SPATA13: variants seen among roughly 807,000 people sequenced by gnomAD.
SPATA13 encodes spermatogenesis-associated protein 13.
Under a neutral mutation model 104.0 loss-of-function variants are expected in SPATA13, and 50 were observed. The observed-to-expected ratio is 0.48, with a 90% CI of 0.38 to 0.61. SPATA13 has a LOEUF of 0.61. Among genes scored for constraint, SPATA13 ranks in the 20% least tolerant of loss-of-function variants. The pLI, the probability that SPATA13 is intolerant of heterozygous loss-of-function variation, is 0.00. For synonymous variants in SPATA13, 606 were observed against 667.5 expected (o/e 0.91, Z 1.42); for missense variants, 1,524 against 1,690.6 (o/e 0.90, Z 1.73).
intron 2 of SPATA13, among the ~76,000 whole-genome samples, chr13:23,994,101 C>G (rs1035146776): frequency 7.3e-5 from 11 of 150,902 alleles, no homozygotes; most frequent in African/African-American, 2.7e-4. Flanking sequence ...ATATTCTTGT[C>G]ATTCTTACAG....
intron 3 of SPATA13, among the ~76,000 whole-genome samples, chr13:24,036,348 T>A (rs1877681382): frequency 6.6e-6 from 1 of 152,216 alleles, no homozygotes; most frequent in African/African-American, 2.4e-5. Flanking sequence ...TTACAATGTG[T>A]TGCCATGGCT....
intron 4 of SPATA13, chr13:24,278,929 T>TTTCC (rs367952929): frequency 1.4e-6 from 1 of 729,066 alleles, no homozygotes; most frequent in East Asian, 4.2e-5. Flanking sequence ...TCCTTCCCTC[T>TTTCC]TTCCTTCCTT....
rs938705400 is a variant in SPATA13 at position 23,991,762 on chromosome 13, A to T, written c.-147+7829A>T. ...CCACAGTGACCTTCATTTGTAGACA[A>T]TCAGATTAGGGAGACTCTGAGTTGG... On this transcript the variant is annotated intron_variant, in intron 2 of 14. Coordinates refer to the SPATA13 transcript ENST00000424834. Among the ~76,000 whole-genome samples, 6 of 152,006 alleles carry T rather than the reference A, an allele frequency of 3.9e-5. No individual in the cohort carries two copies. In the East Asian group the frequency reaches 5.8e-4, roughly 15 times the overall value.
chr13:24,203,215 T>C (rs1337078439), intron 1 of SPATA13, among the ~76,000 whole-genome samples: 1 of 151,706 alleles, frequency 6.6e-6, no homozygotes, highest in African/African-American at 2.4e-5. Flanking sequence ...CTTTCTGAAG[T>C]TGAAGTTGTC....
chr13:24,265,779 G>T (rs1235372891), intron 4 of SPATA13, among the ~76,000 whole-genome samples: 1 of 152,084 alleles, frequency 6.6e-6, no homozygotes, highest in Admixed American at 6.5e-5. Flanking sequence ...GTAGTTCTTG[G>T]TAATGGGGCC....
chr13:24,281,003 C>T (rs1001768879), intron 4 of SPATA13, among the ~76,000 whole-genome samples: 1 of 152,172 alleles, frequency 6.6e-6, no homozygotes, highest in African/African-American at 2.4e-5. Flanking sequence ...CCAGCCACAC[C>T]CCCAGCCAGA....
chr13:24,043,557 A>C (rs1878013088), intron 3 of SPATA13, among the ~76,000 whole-genome samples: 2 of 152,184 alleles, frequency 1.3e-5, no homozygotes, highest in African/African-American at 4.8e-5. Context: ...GCTCACTGGT[A>C]ATCTCCAGCT....
chr13:24,082,405 G>A (rs9553163), intron 3 of SPATA13, among the ~76,000 whole-genome samples: 32,417 of 152,050 alleles, frequency 0.21, 3,817 homozygotes, highest in South Asian at 0.34. Flanking sequence ...TGGCGGGGAG[G>A]GTAACACTGA....
intron 1 of SPATA13, among the ~76,000 whole-genome samples, chr13:24,214,755 C>G (rs1181550182): frequency 6.6e-6 from 1 of 152,194 alleles, no homozygotes; most frequent in East Asian, 1.9e-4. Context: ...CTCTCACTTC[C>G]CATTTGCTTC....
intron 3 of SPATA13, among the ~76,000 whole-genome samples, chr13:24,118,785 A>G (rs1880935933): frequency 6.6e-6 from 1 of 152,222 alleles, no homozygotes; most frequent in Non-Finnish European, 1.5e-5. Flanking sequence ...TCTCAATAGC[A>G]AATAACAGCA....
chr13:24,118,099 C>CA (rs1880910729), intron 3 of SPATA13, among the ~76,000 whole-genome samples: 1 of 152,088 alleles, frequency 6.6e-6, no homozygotes, highest in Non-Finnish European at 1.5e-5. Context: ...AAACAGAAAA[C>CA]CACAAGCCCC....
intron 3 of SPATA13, among the ~76,000 whole-genome samples, chr13:24,108,659 T>TA (rs71186812): frequency 1.7e-5 from 1 of 57,816 alleles, no homozygotes; most frequent in Non-Finnish European, 3.7e-5. Flanking sequence ...CTTTTCATGG[T>TA]AGGGGGGGGG....
chr13:24,023,778 A>G (rs1877085226), intron 3 of SPATA13, among the ~76,000 whole-genome samples: 1 of 152,064 alleles, frequency 6.6e-6, no homozygotes, highest in Non-Finnish European at 1.5e-5. Context: ...GGAAATTGAT[A>G]CTCCCTGAGA....
intron 3 of SPATA13, among the ~76,000 whole-genome samples, chr13:24,138,727 G>C (rs1881655614): frequency 6.6e-6 from 1 of 151,130 alleles, no homozygotes; most frequent in South Asian, 2.1e-4. Flanking sequence ...GGGACTACAG[G>C]CTTGTGCCAC....
intron 3 of SPATA13, among the ~76,000 whole-genome samples, chr13:24,062,773 G>T (rs2025304): frequency 0.22 from 33,777 of 151,970 alleles, 3,895 homozygotes; most frequent in East Asian, 0.3. Flanking sequence ...ACATGCATTT[G>T]TTATCTTCCA....
intron 3 of SPATA13, among the ~76,000 whole-genome samples, chr13:24,114,768 T>C (rs1352211628): frequency 1.3e-5 from 2 of 152,190 alleles, no homozygotes; most frequent in African/African-American, 4.8e-5. Flanking sequence ...GTTCAAGTGA[T>C]TCTCTTGTCT....
chr13:24,219,976 GAC>G (rs1262634959), intron 1 of SPATA13, among the ~76,000 whole-genome samples: 2 of 152,152 alleles, frequency 1.3e-5, no homozygotes, highest in African/African-American at 4.8e-5. Flanking sequence ...GGGTCAGTCA[GAC>G]ACCTGGTCCC....
chr13:24,173,065 C>G (rs57036711), intron 1 of SPATA13, among the ~76,000 whole-genome samples: 4,870 of 152,210 alleles, frequency 0.032, 262 homozygotes, highest in African/African-American at 0.11. Flanking sequence ...TGAGTCATTA[C>G]AAAGTGGTAT....
At chr13:23,999,996 T>C (rs1468615923) in intron 2 of SPATA13, among the ~76,000 whole-genome samples, 1 of 152,190 alleles carries the variant, frequency 6.6e-6, no homozygotes, top group Non-Finnish European at 1.5e-5. Context: ...TCAAAAACGA[T>C]CTGGCCTATA....
Sources: gnomAD v4.1 joint callset for allele counts (sites outside exome capture counted in the v4.1 genomes callset) on GRCh38, gnomAD v4.1.1 for gene constraint, MANE v1.5 for transcripts, NCBI Gene and HGNC (gene_info 2026-07-23, HGNC 2026-07-21) for gene names.